The following CDK1 variants were observed in gnomAD, a reference collection of about 807,000 sequenced individuals.
CDK1 encodes cyclin-dependent kinase 1.
CDK1 carries 5 observed loss-of-function variants against 34.6 expected under a neutral mutation model. The observed-to-expected ratio is 0.14, with a 90% CI of 0.08 to 0.30. CDK1 has a LOEUF of 0.30. CDK1 is among the 10% of genes least tolerant of loss of function. The pLI, the probability that CDK1 is intolerant of heterozygous loss-of-function variation, is 1.00. For missense variants in CDK1, 157 were observed against 345.7 expected (o/e 0.45, Z 4.33); for synonymous variants, 108 against 114.7 (o/e 0.94, Z 0.37).
chr10:60,792,490 T>C (rs2080367636), intron 7 of CDK1, among the ~76,000 whole-genome samples: 1 of 152,072 alleles, frequency 6.6e-6, no homozygotes, highest in Admixed American at 6.6e-5. Context: ...TAGTTTTTGT[T>C]TTTTATCTGA....
chr10:60,789,700 A>G (rs1276675138), intron 5 of CDK1, among the ~76,000 whole-genome samples: 3 of 152,214 alleles, frequency 2.0e-5, no homozygotes, highest in Non-Finnish European at 2.9e-5. Flanking sequence ...TAGTGCTTCA[A>G]TAAACATGGG....
At chr10:60,788,548 C>T (rs538733917) in intron 5 of CDK1, among the ~76,000 whole-genome samples, 2 of 151,990 alleles carry the variant, frequency 1.3e-5, no homozygotes, top group Non-Finnish European at 2.9e-5. Context: ...CATTCCCATC[C>T]TTTGTTGTAC....
chr10:60,786,070 T>C, intron 4 of CDK1: 2 of 1,046,174 alleles, frequency 1.9e-6, no homozygotes, highest in South Asian at 4.6e-5. Flanking sequence ...GTCAGATACA[T>C]GTAAAACAAA....
chr10:60,785,927 G>T, intron 4 of CDK1, 140 bp downstream of exon 4: 1 of 1,295,162 alleles, frequency 7.7e-7, no homozygotes, highest in Non-Finnish European at 9.8e-7. Flanking sequence ...CTCCCTCATG[G>T]TTAGTTTATA....
chr10:60,783,025 A>C (rs1236304726), intron 2 of CDK1, among the ~76,000 whole-genome samples: 1 of 152,140 alleles, frequency 6.6e-6, no homozygotes, highest in African/African-American at 2.4e-5. Context: ...TGAACTTACC[A>C]TTAACTGTTT....
chr10:60,780,174 T>G lies in CDK1; in HGVS notation c.9T>G (p.Asp3Glu). The G allele has an allele frequency of 1.9e-6, 3 of 1,541,746 alleles. No homozygotes were observed. The highest frequency in any genetic ancestry group is 2.7e-6 in the Non-Finnish European group (3 of 1,114,508). The change falls in exon 2 of 8, where the codon GAT becomes GAG. Residue 3 changes from aspartate to glutamate, a missense_variant. By Grantham distance (45) the Asp-to-Glu change is conservative. This residue lies in a region of CDK1 where 53 missense variants were observed against 89.2 expected (regional missense o/e 0.59). Transcript: ENST00000395284. ME[D>E]YTKIEKIGEG... ...ATACCCATTGACTAACTATGGAAGA[T>G]TATACCAAAATAGAGAAAATTGGAG...
chr10:60,786,632 T>C (rs1424495279), intron 4 of CDK1: 2 of 164,750 alleles, frequency 1.2e-5, no homozygotes, highest in East Asian at 1.9e-4. Context: ...TTGATAGATA[T>C]TGCCGGTTGC....
chr10:60,782,522 A>G (rs2080281583), intron 2 of CDK1, among the ~76,000 whole-genome samples: 1 of 152,202 alleles, frequency 6.6e-6, no homozygotes, highest in Non-Finnish European at 1.5e-5. Flanking sequence ...AGCAGTATCC[A>G]TGATGGTGGA....
intron 5 of CDK1, among the ~76,000 whole-genome samples, chr10:60,789,147 A>G (rs1428309560): frequency 1.3e-5 from 2 of 152,126 alleles, no homozygotes; most frequent in Non-Finnish European, 2.9e-5. Flanking sequence ...TATGGGGTAC[A>G]GTGTGGTATT....
intron 4 of CDK1, chr10:60,786,542 T>C (rs1376253029): frequency 1.1e-5 from 2 of 186,280 alleles, no homozygotes; most frequent in East Asian, 1.9e-4. Context: ...AATGTCCTTA[T>C]AGATATTTAT....
intron 4 of CDK1, chr10:60,787,646 G>T (rs1214644792): frequency 6.6e-6 from 1 of 150,384 alleles, no homozygotes; most frequent in Non-Finnish European, 1.5e-5. Context: ...ATCACTTTTA[G>T]AATCTAATTT....
At chr10:60,787,102 T>C in intron 4 of CDK1, 4 of 980,676 alleles carry the variant, frequency 4.1e-6, no homozygotes, top group Non-Finnish European at 4.8e-6. Flanking sequence ...ACTGGTTTTA[T>C]GTACAGGCAA....
chr10:60,792,066 A>C lies in CDK1; in HGVS notation c.653+13A>C, dbSNP rs1036492435. 2 of 1,606,212 alleles carry C rather than the reference A, an allele frequency of 1.2e-6. No individual in the cohort carries two copies. Among genetic ancestry groups the C allele is most frequent in the African/African-American group, 2.7e-5 (2 of 74,522 alleles). ...TCAGGATTTTCAGGTAGCTATTAAA[A>C]ACTGAGATAATAAAGGTAACATATA... On this transcript the variant is annotated intron_variant, in intron 6 of 7. Transcript: ENST00000395284.
At chr10:60,784,257 GGTATGA>G (rs1183199703) in intron 2 of CDK1, among the ~76,000 whole-genome samples, 2 of 152,094 alleles carry the variant, frequency 1.3e-5, no homozygotes, top group African/African-American at 2.4e-5. Context: ...AAGCAATGAG[GGTATGA>G]GTAAGATACT....
In CDK1 at chr10:60,792,210, A is replaced by G. The variant is rs1342614799; in HGVS notation, c.716A>G (p.Asn239Ser). The change falls in exon 7 of 8, where the codon AAT becomes AGT. Residue 239 changes from asparagine to serine, a missense_variant. Asn to Ser is a conservative substitution (Grantham distance 46). Around this residue, in one of 3 missense-constraint regions of CDK1, gnomAD observed 102 missense variants for 233.6 expected, o/e 0.44. Transcript: ENST00000395284. ...PEVESLQDYK[N>S]TFPKWKPGSL... is the part of the protein sequence containing the mutation. ...GTGGAATCTTTACAGGACTATAAGA[A>G]TACATTTCCCAAATGGAAACCAGGA... is the stretch of plus-strand genomic sequence containing the variant. 26 of 1,612,986 alleles carry G rather than the reference A, an allele frequency of 1.6e-5. No individual in the cohort carries two copies. Among genetic ancestry groups the G allele is most frequent in the Non-Finnish European group, 2.1e-5 (25 of 1,179,324 alleles).
chr10:60,779,024 G>C (rs2080248987), intron 1 of CDK1, among the ~76,000 whole-genome samples: 1 of 152,192 alleles, frequency 6.6e-6, no homozygotes, highest in South Asian at 2.1e-4. Flanking sequence ...GTACAGGCGC[G>C]GGTCCCTAGA....
chr10:60,787,332 G>C (rs528264040), intron 4 of CDK1, among the ~76,000 whole-genome samples: 1 of 152,164 alleles, frequency 6.6e-6, no homozygotes, highest in South Asian at 2.1e-4. Flanking sequence ...TGGTAGGTTA[G>C]GTGTGTTCAA....
At chr10:60,784,674 G>A in intron 2 of CDK1, 31 bp from the exon 3 acceptor site, 1 of 1,560,856 alleles carries the variant, frequency 6.4e-7, no homozygotes, top group East Asian at 2.2e-5. Flanking sequence ...TGTGGGGTGT[G>A]TCACACAGCA....
intron 4 of CDK1, chr10:60,786,326 A>G (rs1048872014): frequency 2.1e-6 from 2 of 943,666 alleles, no homozygotes; most frequent in Non-Finnish European, 2.5e-6. Flanking sequence ...TTGTATGTAT[A>G]TAAAGATTTT....
Sources: allele counts gnomAD v4.1 joint callset (sites outside exome capture counted in the v4.1 genomes callset), GRCh38; gene constraint gnomAD v4.1.1; regional missense constraint gnomAD v4.1.1; transcripts MANE v1.5; gene names NCBI Gene and HGNC (gene_info 2026-07-23, HGNC 2026-07-21).